PSMD1: variants seen among roughly 807,000 people sequenced by gnomAD.
PSMD1 encodes proteasome 26S subunit, non-ATPase 1.
PSMD1 carries 18 observed loss-of-function variants against 119.0 expected under a neutral mutation model. That is an observed-to-expected ratio of 0.15 (90% CI 0.10 to 0.22). The LOEUF is 0.22. Among genes scored for constraint, PSMD1 ranks in the 10% least tolerant of loss-of-function variants. PSMD1 has a pLI of 1.00. For missense variants in PSMD1, 702 were observed against 1,158.5 expected (o/e 0.61, Z 5.72); for synonymous variants, 374 against 396.6 (o/e 0.94, Z 0.68).
chr2:231,114,107 G>A (rs2125215323), intron 16 of PSMD1, among the ~76,000 whole-genome samples: 1 of 152,134 alleles, frequency 6.6e-6, no homozygotes, highest in South Asian at 2.1e-4. Context: ...ATATTTCTGT[G>A]GATGGTAACT....
intron 8 of PSMD1, 110 bp downstream of exon 8, chr2:231,075,681 G>A (rs756870168): frequency 2.3e-5 from 21 of 923,866 alleles, no homozygotes; most frequent in Non-Finnish European, 3.1e-5. Flanking sequence ...CCAGGCTCAA[G>A]CTTTCCTCCC....
intron 18 of PSMD1, among the ~76,000 whole-genome samples, chr2:231,149,506 C>T (rs1696325852): frequency 6.6e-6 from 1 of 152,134 alleles, no homozygotes; most frequent in Admixed American, 6.5e-5. Flanking sequence ...AACAGTTACT[C>T]GAACATGTAC....
In PSMD1 at chr2:231,099,559, T is replaced by TATCTC. The variant is rs1253677933; in HGVS notation, c.1883+12379_1883+12383dup. On this transcript the variant is annotated intron_variant, in intron 16 of 24. Coordinates refer to ENST00000308696, the MANE Select transcript of PSMD1 (RefSeq NM_002807.4). ...AGGGGGATGTCTTTGTTACCATCTT[T>TATCTC]ATCTCCCTTGCTCCCTGTCTTGCTT... Among the ~76,000 whole-genome samples, 6 of 152,346 alleles carry TATCTC rather than the reference T, an allele frequency of 3.9e-5. No individual in the cohort carries two copies. The East Asian group carries it at 5.8e-4, about 15-fold the overall frequency.
Position 231,163,525 on chromosome 2 carries a change from A to G in PSMD1, c.2389-110A>G, listed in dbSNP as rs949525391. ...ATGGCTTTCAGAGAGGAGTCATAAC[A>G]TAGTTGAACATACAGCCTGCATTAA... On this transcript the variant is annotated intron_variant, in intron 20 of 24. Transcript: ENST00000308696. 2.3e-5 allele frequency: 16 copies of G among 681,238 alleles called. No homozygotes were observed. In the Admixed American group the frequency reaches 3.7e-4, roughly 16 times the overall value. The allele number at this position is 681,238 out of a possible 1,614,324, so 42.2% of individuals were successfully genotyped here. A position where few individuals can be genotyped will look rare whatever the true frequency, so the allele number is the denominator to read the frequency against.
intron 16 of PSMD1, chr2:231,114,078 G>C (rs111579893): frequency 2.5e-5 from 17 of 675,256 alleles, no homozygotes; most frequent in African/African-American, 1.8e-4. Flanking sequence ...TTCAGATAAT[G>C]GAGACAACAT....
Position 231,085,084 on chromosome 2 carries a change from C to G in PSMD1, c.1788C>G (p.Asn596Lys). 1 of 1,613,974 alleles carries G rather than the reference C, an allele frequency of 6.2e-7. No homozygotes were observed. Among genetic ancestry groups the G allele is most frequent in the Non-Finnish European group, 8.5e-7 (1 of 1,179,900 alleles). The change falls in exon 15 of 25, where the codon AAC becomes AAG. Residue 596 changes from asparagine to lysine, a missense_variant. Coordinates refer to ENST00000308696, the MANE Select transcript of PSMD1 (RefSeq NM_002807.4). ...TGGCTTATTGTGGCTCTGGTAACAACAAAGCAATTCGACGCCTGCTACATG... is the reference window on the plus strand; with the variant it reads ...TGGCTTATTGTGGCTCTGGTAACAAGAAAGCAATTCGACGCCTGCTACATG... ...VAMAYCGSGN[N>K]KAIRRLLHVA... is the part of the protein sequence containing the mutation.
intron 16 of PSMD1, among the ~76,000 whole-genome samples, chr2:231,089,358 G>T (rs1175676115): frequency 6.6e-6 from 1 of 152,186 alleles, no homozygotes; most frequent in Non-Finnish European, 1.5e-5. Context: ...GACTTTCATA[G>T]CCTAGAGAGG....
intron 23 of PSMD1, among the ~76,000 whole-genome samples, chr2:231,169,277 A>G (rs1403325922): frequency 2.0e-5 from 3 of 152,198 alleles, no homozygotes; most frequent in Non-Finnish European, 1.5e-5. Flanking sequence ...CAAAAAATAG[A>G]AAGTCCTCAT....
intron 4 of PSMD1, 110 bp from the exon 5 acceptor site, chr2:231,066,796 A>G (rs925924600): frequency 6.3e-5 from 54 of 862,838 alleles, no homozygotes; most frequent in African/African-American, 5.0e-4. Flanking sequence ...AAATTTGCTT[A>G]TTGCTTTATA....
At chr2:231,086,011 A>G (rs1314107138) in intron 15 of PSMD1, among the ~76,000 whole-genome samples, 3 of 151,974 alleles carry the variant, frequency 2.0e-5, no homozygotes, top group Non-Finnish European at 4.4e-5. Context: ...TGCAAAAGCC[A>G]TAATGCAGCT....
chr2:231,075,970 A>G (rs896508007), intron 8 of PSMD1, among the ~76,000 whole-genome samples: 1 of 152,212 alleles, frequency 6.6e-6, no homozygotes, highest in Non-Finnish European at 1.5e-5. Flanking sequence ...TCAAGTATAT[A>G]TTCTATACAT....
chr2:231,113,071 G>A (rs1243489492), intron 16 of PSMD1, among the ~76,000 whole-genome samples: 1 of 152,108 alleles, frequency 6.6e-6, no homozygotes, highest in Admixed American at 6.6e-5. Context: ...GGCTGAGGTG[G>A]GAGGATCGCT....
At chr2:231,145,894 CAAAAAAAA>C (rs36124651) in intron 17 of PSMD1, among the ~76,000 whole-genome samples, 14 of 46,556 alleles carry the variant, frequency 3.0e-4, no homozygotes, top group East Asian at 1.2e-3. Flanking sequence ...AGCTACATCT[CAAAAAAAA>C]AAAAAAAAAA....
chr2:231,108,416 G>T (rs927202936), intron 16 of PSMD1: 27 of 822,562 alleles, frequency 3.3e-5, no homozygotes, highest in Non-Finnish European at 4.9e-5. Context: ...GAGATGATTT[G>T]ATATATGACA....
intron 16 of PSMD1, among the ~76,000 whole-genome samples, chr2:231,128,149 G>A (rs1695769860): frequency 6.6e-6 from 1 of 152,148 alleles, no homozygotes; most frequent in Non-Finnish European, 1.5e-5. Flanking sequence ...AACCATAAAG[G>A]AATGTTTAAC....
chr2:231,123,827 T>C (rs1695643204), intron 16 of PSMD1: 3 of 1,255,616 alleles, frequency 2.4e-6, no homozygotes, highest in African/African-American at 1.5e-5. Flanking sequence ...GTAGCTAAGC[T>C]GCTCATCTGT....
chr2:231,170,799 A>C lies in PSMD1; in HGVS notation c.*9+78A>C. On this transcript the variant is annotated intron_variant, in intron 24 of 24. Transcript: ENST00000308696. This position sits in a 1 kb window ranked among gnomAD's most constrained non-coding sequence, Gnocchi z 4.1. ...ATGTTTTTTGCAAGGACATCATCTC[A>C]CGTTTTTCCTTCCTTTTGTGTTTAA... 4.5e-4 allele frequency: 629 copies of C among 1,388,744 alleles called. No individual in the cohort carries two copies. Among genetic ancestry groups the C allele is most frequent in the Non-Finnish European group, 5.4e-4 (554 of 1,034,126 alleles). 86.0% of individuals were successfully genotyped at this position (1,388,744 alleles called of 1,614,324 possible).
In PSMD1 at chr2:231,170,871, T is replaced by C; in HGVS notation, c.*9+150T>C. ...TTAAAACTTCCCCGTTTCAACCTTT[T>C]TCTGCATATATAACCACAAATTCCT... On this transcript the variant is annotated intron_variant, in intron 24 of 24. Transcript: ENST00000308696. This position sits in a 1 kb window ranked among gnomAD's most constrained non-coding sequence, Gnocchi z 4.1. The C allele has an allele frequency of 1.2e-6, 1 of 827,678 alleles. No homozygotes were observed. Among genetic ancestry groups the C allele is most frequent in the Non-Finnish European group, 1.8e-6 (1 of 565,636 alleles). 51.3% of individuals were successfully genotyped at this position (827,678 alleles called of 1,614,324 possible).
chr2:231,057,554 G>C (rs535256200), intron 1 of PSMD1, among the ~76,000 whole-genome samples: 3 of 152,306 alleles, frequency 2.0e-5, no homozygotes, highest in Non-Finnish European at 4.4e-5. Context: ...GGTCATTTCT[G>C]GGTCCGATCC....
Sources: allele counts gnomAD v4.1 joint callset (sites outside exome capture counted in the v4.1 genomes callset), GRCh38; gene constraint gnomAD v4.1.1; non-coding constraint Gnocchi (gnomAD v3.1); transcripts MANE v1.5; gene names NCBI Gene and HGNC (gene_info 2026-07-23, HGNC 2026-07-21).